Variants in SAMMSON observed in about 807,000 individuals in gnomAD.
SAMMSON encodes the protein long intergenic non-protein coding RNA 1212.
intron 6 of SAMMSON, among the ~76,000 whole-genome samples, chr3:70,282,090 A>C (rs2106682753): frequency 6.6e-6 from 1 of 152,240 alleles, no homozygotes; most frequent in African/African-American, 2.4e-5. Flanking sequence ...CCAGGGAAGA[A>C]GGCTTTTTTA....
chr3:70,272,762 C>T (rs1166493762), intron 6 of SAMMSON, among the ~76,000 whole-genome samples: 1 of 152,282 alleles, frequency 6.6e-6, no homozygotes, highest in East Asian at 1.9e-4. Context: ...CTAAATTCCC[C>T]TTGCTTTCTT....
At chr3:70,032,397 AT>A (rs2107584174) in intron 3 of SAMMSON, among the ~76,000 whole-genome samples, 1 of 152,338 alleles carries the variant, frequency 6.6e-6, no homozygotes, top group Non-Finnish European at 1.5e-5. Context: ...TTTGATAAAA[AT>A]ATAGTAAAGA....
At position 70,030,082 on chromosome 3, in the gene SAMMSON, A is replaced by T. The variant is rs534809763; in HGVS notation, n.417+16410A>T. On this transcript the variant is annotated intron_variant and non_coding_transcript_variant, in intron 3 of 9. Coordinates refer to ENST00000642114, the Ensembl canonical transcript of SAMMSON. ...TTGTATGAGTGCTAGTAAGAGAGAA[A>T]TTGGCATGACAATGTAAAGCTTGGT... Among the ~76,000 whole-genome samples the T allele has an allele frequency of 1.9e-4, 29 of 152,368 alleles. No homozygotes were observed. The South Asian group carries it at 6.0e-3, about 32-fold the overall frequency.
At chr3:70,079,133 TATGCTACTGTGG>T (rs1301345220) in intron 4 of SAMMSON, among the ~76,000 whole-genome samples, 5 of 152,330 alleles carry the variant, frequency 3.3e-5, no homozygotes, top group African/African-American at 1.2e-4. Flanking sequence ...TCATGCTCTA[TATGCTACTGTGG>T]ATATGCCTAA....
chr3:70,044,708 GTTC>G (rs918105496), intron 3 of SAMMSON, among the ~76,000 whole-genome samples: 8 of 151,328 alleles, frequency 5.3e-5, no homozygotes, highest in African/African-American at 1.9e-4. Flanking sequence ...AAAACTGGAA[GTTC>G]TTCTAAGCAA....
rs562380507 is a variant in SAMMSON, at chr3:70,375,062, T to C, written n.914-14512T>C. On this transcript the variant is annotated intron_variant and non_coding_transcript_variant, in intron 9 of 9. Coordinates refer to ENST00000642114, the Ensembl canonical transcript of SAMMSON. ...TCTATATGTGTGCATGCGTGTAAAG[T>C]CCAGAGTTTTTAGCTGTAGTGCATG... Among the ~76,000 whole-genome samples the C allele has an allele frequency of 1.4e-3, 220 of 152,250 alleles. 1 individual carries two copies. Among genetic ancestry groups the C allele is most frequent in the African/African-American group, 5.1e-3 (210 of 41,556 alleles).
intron 4 of SAMMSON, among the ~76,000 whole-genome samples, chr3:70,217,837 G>A (rs1197770443): frequency 6.6e-6 from 1 of 152,092 alleles, no homozygotes; most frequent in East Asian, 1.9e-4. Context: ...AGGGCTTGGG[G>A]GTGACATACT....
intron 7 of SAMMSON, chr3:70,292,018 T>C (rs1559555919): frequency 1.3e-5 from 2 of 152,240 alleles, no homozygotes; most frequent in African/African-American, 4.8e-5. Context: ...GTTTCAAAGC[T>C]GAATAAATAG....
At chr3:70,223,982 A>T (rs1047816791) in intron 4 of SAMMSON, among the ~76,000 whole-genome samples, 16 of 151,854 alleles carry the variant, frequency 1.1e-4, no homozygotes, top group Admixed American at 2.0e-4. Context: ...TGCTATCTCT[A>T]TTGGAAATAT....
At chr3:70,102,730 A>G (rs2067350768) in intron 4 of SAMMSON, among the ~76,000 whole-genome samples, 1 of 152,112 alleles carries the variant, frequency 6.6e-6, no homozygotes, top group South Asian at 2.1e-4. Context: ...TTGCATCTTG[A>G]CCCTGGTCTC....
chr3:70,175,228 T>A (rs1701001265), intron 4 of SAMMSON, among the ~76,000 whole-genome samples: 1 of 152,086 alleles, frequency 6.6e-6, no homozygotes, highest in Admixed American at 6.6e-5. Context: ...TGGCTGCCAA[T>A]AGCAATCAAG....
At chr3:70,179,847 A>G (rs956796524) in intron 4 of SAMMSON, among the ~76,000 whole-genome samples, 1 of 152,058 alleles carries the variant, frequency 6.6e-6, no homozygotes, top group African/African-American at 2.4e-5. Flanking sequence ...ACATTAAGGA[A>G]AAGTTCAACT....
At chr3:70,309,088 G>T (rs1364893513) in intron 7 of SAMMSON, among the ~76,000 whole-genome samples, 1 of 152,104 alleles carries the variant, frequency 6.6e-6, no homozygotes, top group African/African-American at 2.4e-5. Context: ...AGTGAGGGAG[G>T]TTGGAGGTCG....
chr3:70,101,381 T>A (rs2067345293), intron 4 of SAMMSON, among the ~76,000 whole-genome samples: 1 of 151,824 alleles, frequency 6.6e-6, no homozygotes, highest in Middle Eastern at 3.4e-3. Flanking sequence ...TGGGAAAATA[T>A]TGGGGACATT....
At chr3:70,096,236 A>T (rs1219348321) in intron 4 of SAMMSON, among the ~76,000 whole-genome samples, 1 of 152,114 alleles carries the variant, frequency 6.6e-6, no homozygotes, top group African/African-American at 2.4e-5. Flanking sequence ...CACTTGCTTC[A>T]TCTAAGCTAG....
chr3:70,347,792 C>T (rs1312488415), intron 7 of SAMMSON, among the ~76,000 whole-genome samples: 1 of 152,168 alleles, frequency 6.6e-6, no homozygotes, highest in Non-Finnish European at 1.5e-5. Context: ...CCTGTAATCC[C>T]AGCACTTTGG....
At chr3:70,432,800 G>A (rs575754952) in intron 2 of SAMMSON, among the ~76,000 whole-genome samples, 1 of 152,014 alleles carries the variant, frequency 6.6e-6, no homozygotes, top group South Asian at 2.1e-4. Context: ...AATACCCCGT[G>A]CTCCACCTAT....
At chr3:70,053,010 C>G (rs73836027) in intron 3 of SAMMSON, among the ~76,000 whole-genome samples, 1 of 152,042 alleles carries the variant, frequency 6.6e-6, no homozygotes, top group African/African-American at 2.4e-5. Context: ...ACAAAAAATG[C>G]GTAATAAGCC....
At chr3:70,316,226 A>T (rs1702493478) in intron 7 of SAMMSON, among the ~76,000 whole-genome samples, 1 of 152,194 alleles carries the variant, frequency 6.6e-6, no homozygotes. Context: ...AATTAAATGC[A>T]TGAAGCTAGA....
Sources: gnomAD v4.1 joint callset for allele counts (sites outside exome capture counted in the v4.1 genomes callset) on GRCh38, gnomAD v4.1.1 for gene constraint, MANE v1.5 for transcripts, NCBI Gene and HGNC (gene_info 2026-07-23, HGNC 2026-07-21) for gene names.